Variants in PLA2G12B observed in about 807,000 individuals in gnomAD.
PLA2G12B encodes the protein group XIIB secretory phospholipase A2-like protein.
In PLA2G12B, 19 loss-of-function variants were observed where a neutral mutation model predicts 22.3. That is an observed-to-expected ratio of 0.85 (90% confidence interval 0.60 to 1.25). The LOEUF (loss-of-function observed/expected upper bound fraction) is 1.25. PLA2G12B is among the 50% of genes most tolerant of loss of function. The pLI is 0.00. For synonymous variants in PLA2G12B, 81 were observed against 94.9 expected, an observed-to-expected ratio of 0.85 and a Z score of 0.85; for missense variants, 191 against 246.6, an observed-to-expected ratio of 0.77 and a Z score of 1.51.
At chr10:72,944,128 G>C (rs1297326223) in intron 1 of PLA2G12B, among the ~76,000 whole-genome samples, 1 of 137,636 alleles carries the variant, frequency 7.3e-6, no homozygotes. Flanking sequence ...CTCCTACCAG[G>C]TATTTATTTT....
At chr10:72,941,017 TCC>T (rs1453606955) in intron 3 of PLA2G12B, 150 bp downstream of exon 3, 16 of 855,338 alleles carry the variant, frequency 1.9e-5, no homozygotes, top group Non-Finnish European at 2.5e-5. Context: ...CCAGAATCTT[TCC>T]TTCACCATTT....
intron 3 of PLA2G12B, among the ~76,000 whole-genome samples, chr10:72,937,199 G>C (rs1427964038): frequency 6.6e-6 from 1 of 152,048 alleles, no homozygotes; most frequent in Non-Finnish European, 1.5e-5. Flanking sequence ...GACAGAGCGA[G>C]ACTCCATCTC....
At position 72,940,221 on chromosome 10, in the gene PLA2G12B, T is replaced by C. The variant is rs553491302; in HGVS notation, c.466+948A>G. 2.0e-5 allele frequency among the ~76,000 whole-genome samples: 3 copies of C among 152,228 alleles called. No homozygotes were observed. In the East Asian group the frequency reaches 5.8e-4, roughly 29 times the overall value. ...CCAAAATTCTCTCTACTGCAGACAC[T>C]CTCTGTGGTGTGGAGCCAGCTCTTT... On this transcript the variant is annotated intron_variant, in intron 3 of 3. Transcript: ENST00000373032.
chr10:72,935,384 T>C lies in PLA2G12B; in HGVS notation c.*233A>G, dbSNP rs1048755727. The stretch of plus-strand genomic sequence containing the variant: ...GAATTTCCAGGCAAATGTGTCTTGG[T>C]TGGGGAGAGCAGTCTTAAATGAAGA... On this transcript the variant is annotated 3_prime_UTR_variant, in exon 4 of 4. Coordinates refer to ENST00000373032, the MANE Select transcript of PLA2G12B (RefSeq NM_032562.5). 2 of 460,446 alleles carry C rather than the reference T, an allele frequency of 4.3e-6. No individual in the cohort carries two copies. The highest frequency in any genetic ancestry group is 4.1e-5 in the Admixed American group (1 of 24,152). 28.5% of individuals were successfully genotyped at this position (460,446 alleles called of 1,614,324 possible).
intron 2 of PLA2G12B, 150 bp from the exon 3 acceptor site, chr10:72,941,484 A>G: frequency 1.4e-6 from 1 of 698,306 alleles, no homozygotes; most frequent in Non-Finnish European, 2.4e-6. Context: ...CCAATGACTC[A>G]GTAGAATACC....
At chr10:72,954,382 C>A in intron 1 of PLA2G12B, 93 bp downstream of exon 1, 1 of 1,499,962 alleles carries the variant, frequency 6.7e-7, no homozygotes, top group Non-Finnish European at 9.2e-7. Flanking sequence ...AAGTGGATAA[C>A]AGGAAAAAGT....
intron 1 of PLA2G12B, among the ~76,000 whole-genome samples, chr10:72,949,082 G>T (rs1439354130): frequency 6.6e-6 from 1 of 152,138 alleles, no homozygotes; most frequent in African/African-American, 2.4e-5. Flanking sequence ...GGTGCTAGGA[G>T]GGAGTGAGTA....
At chr10:72,952,386 T>G (rs939770795) in intron 1 of PLA2G12B, among the ~76,000 whole-genome samples, 2 of 152,214 alleles carry the variant, frequency 1.3e-5, no homozygotes, top group African/African-American at 4.8e-5. Context: ...CCAAGCTAAC[T>G]GGGAGGCTGA....
At chr10:72,954,220 G>A (rs1301854781) in intron 1 of PLA2G12B, among the ~76,000 whole-genome samples, 1 of 152,154 alleles carries the variant, frequency 6.6e-6, no homozygotes, top group African/African-American at 2.4e-5. Flanking sequence ...AGTGAAATGT[G>A]AGTTTGAGAT....
chr10:72,947,807 A>G (rs1846466681), intron 1 of PLA2G12B, among the ~76,000 whole-genome samples: 1 of 152,186 alleles, frequency 6.6e-6, no homozygotes, highest in Non-Finnish European at 1.5e-5. Flanking sequence ...TTCCAAGATC[A>G]GGGTGCCAGT....
chr10:72,949,265 CA>C (rs1169654400), intron 1 of PLA2G12B, among the ~76,000 whole-genome samples: 4 of 152,132 alleles, frequency 2.6e-5, no homozygotes, highest in Admixed American at 2.6e-4. Flanking sequence ...CTATCTCGGA[CA>C]GCAATAGTTC....
At chr10:72,944,816 C>A (rs1846415291) in intron 1 of PLA2G12B, among the ~76,000 whole-genome samples, 1 of 152,186 alleles carries the variant, frequency 6.6e-6, no homozygotes, top group African/African-American at 2.4e-5. Flanking sequence ...AGCCCTGGCT[C>A]TCATGGTCTA....
At chr10:72,954,119 C>T (rs1365474555) in intron 1 of PLA2G12B, among the ~76,000 whole-genome samples, 1 of 152,168 alleles carries the variant, frequency 6.6e-6, no homozygotes, top group African/African-American at 2.4e-5. Flanking sequence ...CTTCTTCCCA[C>T]CCCAGGTACC....
At chr10:72,952,261 G>A (rs1846544121) in intron 1 of PLA2G12B, among the ~76,000 whole-genome samples, 1 of 152,240 alleles carries the variant, frequency 6.6e-6, no homozygotes, top group South Asian at 2.1e-4. Flanking sequence ...GGGAGGCCAA[G>A]TTGGGAGGAT....
chr10:72,954,405 G>A (rs932660837), intron 1 of PLA2G12B, 70 bp downstream of exon 1: 19 of 1,590,968 alleles, frequency 1.2e-5, no homozygotes, highest in African/African-American at 2.7e-5. Flanking sequence ...AAGACAGATC[G>A]TGACCTCTCT....
At position 72,941,345 on chromosome 10, in the gene PLA2G12B, G is replaced by A. The variant is rs2132966353; in HGVS notation, c.301-11C>T. 1 of 1,611,022 alleles carries A rather than the reference G, an allele frequency of 6.2e-7. No individual in the cohort carries two copies. Among genetic ancestry groups the A allele is most frequent in the East Asian group, 2.2e-5 (1 of 44,826 alleles). ...AATGCCCAAGTCCATCTGGGGAAAA[G>A]TGAAGGAAGGGAAAAGAAGGGGAAG... On this transcript the variant is annotated splice_polypyrimidine_tract_variant and intron_variant, in intron 2 of 3. Coordinates refer to ENST00000373032, the MANE Select transcript of PLA2G12B (RefSeq NM_032562.5).
chr10:72,942,919 T>C (rs891189932), intron 1 of PLA2G12B, among the ~76,000 whole-genome samples, 179 bp from the exon 2 acceptor site: 2 of 152,172 alleles, frequency 1.3e-5, no homozygotes. Flanking sequence ...AATAATGACT[T>C]TCAAACCACT....
chr10:72,943,895 G>GT (rs1317822957), intron 1 of PLA2G12B, among the ~76,000 whole-genome samples: 8 of 152,246 alleles, frequency 5.3e-5, no homozygotes, highest in Admixed American at 2.0e-4. Flanking sequence ...AGACCCTAGT[G>GT]TAAGACTGGG....
chr10:72,936,383 A>G (rs747880574), intron 3 of PLA2G12B, among the ~76,000 whole-genome samples: 2 of 152,212 alleles, frequency 1.3e-5, no homozygotes, highest in Non-Finnish European at 2.9e-5. Flanking sequence ...GAGGTATCTT[A>G]GAGTAAGTAA....
Sources: gnomAD v4.1 joint callset for allele counts (sites outside exome capture counted in the v4.1 genomes callset) on GRCh38, gnomAD v4.1.1 for gene constraint, MANE v1.5 for transcripts, NCBI Gene and HGNC (gene_info 2026-07-23, HGNC 2026-07-21) for gene names.